ZNF599: variants seen among roughly 807,000 people sequenced by gnomAD.
ZNF599 encodes zinc finger protein 599.
Under a neutral mutation model 11.7 loss-of-function variants are expected in ZNF599, and 10 were observed. That is an observed-to-expected ratio of 0.86 (90% CI 0.53 to 1.45). The LOEUF is 1.45. Among genes scored for constraint, ZNF599 ranks in the 40% most tolerant of loss-of-function variants. The pLI is 0.00. For missense variants in ZNF599, 688 were observed against 713.6 expected (o/e 0.96, Z 0.41); for synonymous variants, 232 against 253.2 (o/e 0.92, Z 0.79).
At chr19:34,779,125 C>T in the ZNF599 span, among the ~76,000 whole-genome samples, 4 of 151,942 alleles carry the variant, frequency 2.6e-5, no homozygotes, top group Admixed American at 2.6e-4. Flanking sequence ...CTTACTCTGT[C>T]ACCCAGGTTG....
chr19:34,787,581 A>T, the ZNF599 span, among the ~76,000 whole-genome samples: 1 of 152,208 alleles, frequency 6.6e-6, no homozygotes, highest in East Asian at 1.9e-4. Flanking sequence ...AGTGGAGTTG[A>T]CACAATTTCA....
rs74834692 is a variant in ZNF599, at chr19:34,767,319, C to A, written c.238G>T (p.Ala80Ser). Residue 80 changes from alanine to serine, a missense_variant, in exon 3 of 4, where the codon GCA becomes TCA. Ala to Ser is a moderately conservative substitution (Grantham distance 99, BLOSUM62 1). Coordinates refer to ENST00000329285, the MANE Select transcript of ZNF599 (RefSeq NM_001007248.3). Reference protein sequence around the residue: ...VKRGLSQSTCAGEKAKPKITE... With the variant: ...VKRGLSQSTCSGEKAKPKITE... ...TGCCAGACTCTCAGTCACCAACCTG[C>A]GCAGGTGCTTTGGGAGAGGCCTCTC... The A allele has an allele frequency of 1.2e-6, 2 of 1,613,720 alleles. No homozygotes were observed. The highest frequency in any genetic ancestry group is 1.7e-6 in the Non-Finnish European group (2 of 1,179,804).
At chr19:34,774,537 T>C (rs1036021139), upstream of ZNF599, among the ~76,000 whole-genome samples, 2 of 152,154 alleles carry the variant, frequency 1.3e-5, no homozygotes, top group African/African-American at 4.8e-5. Flanking sequence ...AATTTTGCAA[T>C]CACTTCTGCC....
intron 3 of ZNF599, chr19:34,765,308 T>C (rs1270613771): frequency 2.2e-6 from 1 of 463,198 alleles, no homozygotes; most frequent in Non-Finnish European, 3.9e-6. Context: ...ATGTACATGA[T>C]AAAATATATG....
the ZNF599 span, among the ~76,000 whole-genome samples, chr19:34,786,028 C>T: frequency 1.3e-5 from 2 of 151,992 alleles, no homozygotes; most frequent in East Asian, 3.9e-4. Context: ...GGCAGAACCC[C>T]CATTTCAGGA....
Position 34,759,626 on chromosome 19 carries a change from T to C in ZNF599, c.1175A>G (p.Glu392Gly). 1 of 1,614,200 alleles carries C rather than the reference T, an allele frequency of 6.2e-7. No homozygotes were observed. Among genetic ancestry groups the C allele is most frequent in the Non-Finnish European group, 8.5e-7 (1 of 1,180,024 alleles). ...FTQHMRIHTG[E>G]KPYECGECGK... ...ACATTCACCGCACTCATAGGGTTTCTCTCCAGTGTGAATCCTCATGTGCTG... is the reference window on the plus strand; with the variant it reads ...ACATTCACCGCACTCATAGGGTTTCCCTCCAGTGTGAATCCTCATGTGCTG... Residue 392 changes from glutamate to glycine, a missense_variant, in exon 4 of 4, where the codon GAG becomes GGG. Glu to Gly is a moderately conservative substitution (Grantham distance 98). Transcript: ENST00000329285.
chr19:34,760,593 T>C (rs765222783), intron 3 of ZNF599, 34 bp from the exon 4 acceptor site: 5 of 1,541,658 alleles, frequency 3.2e-6, no homozygotes, highest in Non-Finnish European at 3.5e-6. Context: ...AAACTGAACA[T>C]TAGTGATGTC....
chr19:34,785,167 C>T, the ZNF599 span, among the ~76,000 whole-genome samples: 1 of 152,078 alleles, frequency 6.6e-6, no homozygotes, highest in African/African-American at 2.4e-5. Flanking sequence ...TCCTTTCCAG[C>T]TGCTAAGCCA....
chr19:34,767,472 G>A, intron 2 of ZNF599, 61 bp from the exon 3 acceptor site: 2 of 1,351,004 alleles, frequency 1.5e-6, no homozygotes, highest in Non-Finnish European at 2.1e-6. Flanking sequence ...AAAAGTCTGA[G>A]GTGTAAAGGA....
the ZNF599 span, among the ~76,000 whole-genome samples, chr19:34,806,877 TG>T: frequency 6.6e-6 from 1 of 152,194 alleles, no homozygotes; most frequent in African/African-American, 2.4e-5. Context: ...GGAGACAGAC[TG>T]GCCTCCTGCC....
At chr19:34,776,360 A>C (rs1257209699), upstream of ZNF599, among the ~76,000 whole-genome samples, 2 of 152,228 alleles carry the variant, frequency 1.3e-5, no homozygotes, top group Admixed American at 1.3e-4. Flanking sequence ...ACTTCACACA[A>C]GACTAGGGCT....
the ZNF599 span, among the ~76,000 whole-genome samples, chr19:34,794,340 C>CTAAAAGAA: frequency 1.3e-5 from 2 of 152,180 alleles, no homozygotes; most frequent in African/African-American, 4.8e-5. Context: ...ACTGTCACGG[C>CTAAAAGAA]ACTGGTGGGA....
intron 3 of ZNF599, chr19:34,763,815 G>A (rs1168374772): frequency 6.6e-6 from 1 of 152,050 alleles, no homozygotes; most frequent in Non-Finnish European, 1.5e-5. Context: ...TGGGTGTGGG[G>A]GCTCACACCT....
At chr19:34,805,942 T>C in the ZNF599 span, among the ~76,000 whole-genome samples, 2 of 152,150 alleles carry the variant, frequency 1.3e-5, no homozygotes, top group African/African-American at 4.8e-5. Context: ...TAGATATACA[T>C]AGGAACTATT....
At chr19:34,780,800 A>C in the ZNF599 span, among the ~76,000 whole-genome samples, 1 of 151,580 alleles carries the variant, frequency 6.6e-6, no homozygotes, top group East Asian at 1.9e-4. Flanking sequence ...AGAGAAAGAG[A>C]GGAAAGAAAG....
At chr19:34,805,496 G>T in the ZNF599 span, among the ~76,000 whole-genome samples, 2 of 152,026 alleles carry the variant, frequency 1.3e-5, no homozygotes, top group Admixed American at 6.6e-5. Context: ...GTGCCCAGCT[G>T]CTACCTTTTT....
the ZNF599 span, among the ~76,000 whole-genome samples, chr19:34,804,359 C>T: frequency 1.3e-5 from 2 of 152,216 alleles, no homozygotes; most frequent in East Asian, 3.9e-4. Flanking sequence ...TTCCCCAGAC[C>T]CAACCTTCAG....
At chr19:34,780,560 CAA>C in the ZNF599 span, among the ~76,000 whole-genome samples, 1,455 of 130,820 alleles carry the variant, frequency 0.011, 16 homozygotes, top group African/African-American at 0.035. Flanking sequence ...AGGAGAGAGA[CAA>C]AGAGAGAAAG....
At chr19:34,767,488 T>C in intron 2 of ZNF599, 77 bp from the exon 3 acceptor site, 1 of 1,123,700 alleles carries the variant, frequency 8.9e-7, no homozygotes, top group Middle Eastern at 2.0e-4. Flanking sequence ...AAGGAGTACA[T>C]ATATTTAACA....
Sources: allele counts gnomAD v4.1 joint callset (sites outside exome capture counted in the v4.1 genomes callset), GRCh38; gene constraint gnomAD v4.1.1; transcripts MANE v1.5; gene names NCBI Gene and HGNC (gene_info 2026-07-23, HGNC 2026-07-21).